Variants in TANC1 observed in about 807,000 individuals in gnomAD.
TANC1 encodes the protein tetratricopeptide repeat, ankyrin repeat and coiled-coil containing 1.
TANC1 carries 77 observed loss-of-function variants against 149.7 expected under a neutral mutation model. The ratio of observed to expected loss-of-function variants is 0.51; its 90% CI spans 0.43 to 0.62. TANC1 has a LOEUF of 0.62. Ranked by LOEUF, TANC1 falls within the 20% of genes least tolerant of loss-of-function variation. TANC1 has a pLI of 0.00. For synonymous variants in TANC1, 854 were observed against 925.0 expected (o/e 0.92, Z 1.39); for missense variants, 1,985 against 2,321.8 (o/e 0.85, Z 2.98).
intron 1 of TANC1, among the ~76,000 whole-genome samples, chr2:158,979,438 TA>T (rs2149208284): frequency 6.6e-6 from 1 of 151,378 alleles, no homozygotes; most frequent in South Asian, 2.1e-4. Flanking sequence ...AGGCTGCAGT[TA>T]GCTGTGATTA....
intron 4 of TANC1, among the ~76,000 whole-genome samples, chr2:159,131,444 C>T (rs770840961): frequency 1.2e-3 from 187 of 152,098 alleles, no homozygotes; most frequent in Non-Finnish European, 2.0e-3. Context: ...TCACCCGCGC[C>T]CCTGCCTTCC....
rs375321124 is a variant in TANC1 at position 159,178,931 on chromosome 2, G to A, written c.2278G>A (p.Val760Met). Reference sequence around the variant, plus strand: ...TGAGAGGGCACTTCCGATTCTCAACGTGGCCCTCGCATCCCTCCACCCCAT... The same window carrying A: ...TGAGAGGGCACTTCCGATTCTCAACATGGCCCTCGCATCCCTCCACCCCAT... ...AFERALPILN[V>M]ALASLHPMTD... The change falls in exon 14 of 27, where the codon GTG (valine) becomes ATG (methionine). Residue 760 changes from valine to methionine, a missense_variant. By Grantham distance (21) the Val-to-Met change is conservative. This residue lies in a region of TANC1 where 508 missense variants were observed against 714.2 expected (regional missense o/e 0.71). Transcript: ENST00000263635. 5 of 1,614,164 alleles carry A rather than the reference G, an allele frequency of 3.1e-6. No individual in the cohort carries two copies. The highest frequency in any genetic ancestry group is 1.7e-5 in the Admixed American group (1 of 60,004).
intron 3 of TANC1, among the ~76,000 whole-genome samples, chr2:159,074,698 G>A (rs1339996577): frequency 6.6e-6 from 1 of 152,000 alleles, no homozygotes; most frequent in East Asian, 1.9e-4. Flanking sequence ...ATTTTTGATA[G>A]TACATCTTCG....
chr2:159,184,738 G>T (rs1313084703), intron 14 of TANC1, among the ~76,000 whole-genome samples: 1 of 152,176 alleles, frequency 6.6e-6, no homozygotes, highest in East Asian at 1.9e-4. Flanking sequence ...CTGGGACATG[G>T]AAGGTGTTCA....
chr2:159,198,915 G>A, intron 18 of TANC1, 60 bp from the exon 19 acceptor site: 2 of 1,157,462 alleles, frequency 1.7e-6, no homozygotes, highest in South Asian at 2.5e-5. Flanking sequence ...TTGATACATG[G>A]GCTATAATAA....
intron 3 of TANC1, among the ~76,000 whole-genome samples, chr2:159,096,161 G>T (rs2046106779): frequency 6.6e-6 from 1 of 152,060 alleles, no homozygotes; most frequent in African/African-American, 2.4e-5. Context: ...TTAAGAAGCA[G>T]GTAATGATTT....
At chr2:159,156,999 T>C (rs948817553) in intron 7 of TANC1, among the ~76,000 whole-genome samples, 1 of 152,228 alleles carries the variant, frequency 6.6e-6, no homozygotes, top group African/African-American at 2.4e-5. Context: ...GAGCATGCCT[T>C]GCGCAACACA....
In TANC1 at chr2:159,170,515, C is replaced by G. The variant is rs760094281; in HGVS notation, c.1070-9C>G. 185 of 1,550,916 alleles carry G rather than the reference C, an allele frequency of 1.2e-4. No individual in the cohort carries two copies. Among genetic ancestry groups the G allele is most frequent in the Non-Finnish European group, 1.6e-4 (179 of 1,150,940 alleles). Reference sequence around the variant, plus strand: ...CATTTTTCTAAAATTTTTTTTTCTTCTTTTGAAGCACGATTTGCTCCCTAC... The same window carrying G: ...CATTTTTCTAAAATTTTTTTTTCTTGTTTTGAAGCACGATTTGCTCCCTAC... On this transcript the variant is annotated splice_polypyrimidine_tract_variant and intron_variant, in intron 9 of 26. Coordinates refer to ENST00000263635, the MANE Select transcript of TANC1 (RefSeq NM_033394.3).
chr2:159,172,314 T>G (rs747868328), intron 11 of TANC1, 42 bp downstream of exon 11: 63 of 1,589,216 alleles, frequency 4.0e-5, no homozygotes, highest in Non-Finnish European at 5.4e-5. Flanking sequence ...CATAGAGAGA[T>G]TTGCTGGTTT....
Position 159,152,562 on chromosome 2 carries a change from G to A in TANC1, c.682+2006G>A, listed in dbSNP as rs571120505. Reference sequence around the variant, plus strand: ...GCTGGAGTGCAGTGGTGCAATTGTAGCTCACTGCAGCCAAACTTCTGGGCT... The same window carrying A: ...GCTGGAGTGCAGTGGTGCAATTGTAACTCACTGCAGCCAAACTTCTGGGCT... On this transcript the variant is annotated intron_variant, in intron 7 of 26. Transcript: ENST00000263635. Among the ~76,000 whole-genome samples the A allele has an allele frequency of 4.7e-5, 7 of 149,260 alleles. No homozygotes were observed. The South Asian group carries it at 1.1e-3, about 22-fold the overall frequency.
intron 3 of TANC1, among the ~76,000 whole-genome samples, chr2:159,076,463 C>G (rs2149760988): frequency 6.6e-6 from 1 of 152,302 alleles, no homozygotes; most frequent in East Asian, 1.9e-4. Context: ...AACATTCTGT[C>G]TTTGTGCACA....
At chr2:159,146,290 A>G (rs1025279298) in intron 5 of TANC1, among the ~76,000 whole-genome samples, 3 of 152,212 alleles carry the variant, frequency 2.0e-5, no homozygotes, top group Admixed American at 2.0e-4. Flanking sequence ...TTCAGACTGA[A>G]GGGGACCTTT....
At chr2:159,191,631 A>T (rs879152125) in intron 16 of TANC1, among the ~76,000 whole-genome samples, 1 of 152,156 alleles carries the variant, frequency 6.6e-6, no homozygotes, top group Admixed American at 6.5e-5. Flanking sequence ...CAGCCAAGAC[A>T]TCTTCAAATT....
At chr2:159,201,851 C>T (rs748067697) in intron 19 of TANC1, among the ~76,000 whole-genome samples, 3 of 152,198 alleles carry the variant, frequency 2.0e-5, no homozygotes, top group Non-Finnish European at 2.9e-5. Context: ...GGTGACAAGG[C>T]AGAGCTTCCT....
chr2:159,066,675 G>C (rs2042694418), intron 3 of TANC1, among the ~76,000 whole-genome samples: 1 of 152,110 alleles, frequency 6.6e-6, no homozygotes, highest in African/African-American at 2.4e-5. Context: ...TGGCTGACTG[G>C]TCCTCATCTT....
Position 159,101,136 on chromosome 2 carries a change from C to T in TANC1, c.259+3302C>T, listed in dbSNP as rs114077029. On this transcript the variant is annotated intron_variant, in intron 4 of 26. Coordinates refer to ENST00000263635, the MANE Select transcript of TANC1 (RefSeq NM_033394.3). ...TCTGATTTGTAAGATGCCCCCCACC[C>T]CTGCCAATTCCTCTCTTGTTCAAGG... Among the ~76,000 whole-genome samples, 1,296 of 152,264 alleles carry T rather than the reference C, an allele frequency of 8.5e-3. 20 individuals are homozygous for T. Among genetic ancestry groups the T allele is most frequent in the African/African-American group, 0.03 (1,226 of 41,546 alleles).
chr2:159,139,665 A>G (rs2051147985), intron 5 of TANC1, among the ~76,000 whole-genome samples: 1 of 152,242 alleles, frequency 6.6e-6, no homozygotes, highest in African/African-American at 2.4e-5. Flanking sequence ...CTCATAAGTC[A>G]TTGCTCTGTG....
At chr2:159,201,600 T>C (rs557486027) in intron 19 of TANC1, among the ~76,000 whole-genome samples, 1 of 152,290 alleles carries the variant, frequency 6.6e-6, no homozygotes, top group East Asian at 1.9e-4. Context: ...TTCCTGGGTG[T>C]AGTCAATGGT....
chr2:159,023,686 G>A lies in TANC1; in HGVS notation c.-16+22497G>A, dbSNP rs537884641. Reference sequence around the variant, plus strand: ...CATTATAGAAATTGTCAAAAATAAGGCCAAGTGCAGTGGCTCACGCCTGTA... The same window carrying A: ...CATTATAGAAATTGTCAAAAATAAGACCAAGTGCAGTGGCTCACGCCTGTA... On this transcript the variant is annotated intron_variant, in intron 2 of 26. Coordinates refer to ENST00000263635, the MANE Select transcript of TANC1 (RefSeq NM_033394.3). Among the ~76,000 whole-genome samples the A allele has an allele frequency of 9.9e-5, 15 of 152,224 alleles. No homozygotes were observed. The East Asian group carries it at 2.9e-3, about 30-fold the overall frequency.
Sources: gnomAD v4.1 joint callset for allele counts (sites outside exome capture counted in the v4.1 genomes callset) on GRCh38, gnomAD v4.1.1 for gene constraint, gnomAD v4.1.1 regional missense constraint, MANE v1.5 for transcripts, NCBI Gene and HGNC (gene_info 2026-07-23, HGNC 2026-07-21) for gene names.